REEP3: variants seen among roughly 807,000 people sequenced by gnomAD.
REEP3 encodes receptor accessory protein 3, also known as receptor expression-enhancing protein 3.
In REEP3, 20 loss-of-function variants were observed where a neutral mutation model predicts 41.3. The observed-to-expected ratio is 0.48, with a 90% CI of 0.34 to 0.70. The LOEUF is 0.70. Ranked by LOEUF, REEP3 falls within the 30% of genes least tolerant of loss-of-function variation. The probability of loss-of-function intolerance (pLI) is 0.01; values close to 1 mark genes in which losing one functional copy is unlikely to be tolerated. For synonymous variants in REEP3, 104 were observed against 101.8 expected (o/e 1.02, Z -0.13); for missense variants, 271 against 308.8 (o/e 0.88, Z 0.92).
intron 2 of REEP3, among the ~76,000 whole-genome samples, chr10:63,591,121 G>GTTTTTTT (rs1190081980): frequency 2.1e-5 from 2 of 95,374 alleles, no homozygotes; most frequent in African/African-American, 7.7e-5. Context: ...TTGTGTTTTT[G>GTTTTTTT]TTTTTGTTTT....
At chr10:63,575,740 T>C (rs557706262) in intron 2 of REEP3, among the ~76,000 whole-genome samples, 1 of 152,324 alleles carries the variant, frequency 6.6e-6, no homozygotes, top group South Asian at 2.1e-4. Context: ...TTCTATTTTA[T>C]TTTATTTTTT....
intron 2 of REEP3, among the ~76,000 whole-genome samples, chr10:63,575,960 C>A (rs1363677430): frequency 6.6e-6 from 1 of 152,060 alleles, no homozygotes; most frequent in South Asian, 2.1e-4. Flanking sequence ...CTTGAACTAC[C>A]GACCTCAGGT....
At chr10:63,596,963 G>A (rs913429499) in intron 3 of REEP3, among the ~76,000 whole-genome samples, 15 of 152,186 alleles carry the variant, frequency 9.9e-5, no homozygotes, top group African/African-American at 3.6e-4. Flanking sequence ...GGCTGAAGAA[G>A]CAGCTGTTCT....
At chr10:63,545,686 T>TTG (rs1955571788) in intron 1 of REEP3, among the ~76,000 whole-genome samples, 1 of 137,472 alleles carries the variant, frequency 7.3e-6, no homozygotes, top group African/African-American at 2.7e-5. Flanking sequence ...TTCTGTTTTT[T>TTG]TTTTTTTTTT....
At chr10:63,547,337 T>C (rs1226971337) in intron 1 of REEP3, among the ~76,000 whole-genome samples, 1 of 152,150 alleles carries the variant, frequency 6.6e-6, no homozygotes, top group Non-Finnish European at 1.5e-5. Context: ...TAAGCACTTC[T>C]CTTCATCAAA....
In REEP3 at chr10:63,606,516, G is replaced by A. The variant is rs1027302611; in HGVS notation, c.418-3671G>A. Among the ~76,000 whole-genome samples, 4 of 152,068 alleles carry A rather than the reference G, an allele frequency of 2.6e-5. No individual in the cohort carries two copies. The South Asian group carries it at 8.3e-4, about 32-fold the overall frequency. On this transcript the variant is annotated intron_variant, in intron 5 of 7. Coordinates refer to ENST00000373758, the MANE Select transcript of REEP3 (RefSeq NM_001001330.3). ...TCCTCCCACCTTGGCCTCCCAAAGT[G>A]TTGGAATTGCAGGCGTGAGCCACTG...
chr10:63,524,413 A>G (rs566798331), intron 1 of REEP3, among the ~76,000 whole-genome samples: 51 of 152,054 alleles, frequency 3.4e-4, no homozygotes, highest in Non-Finnish European at 6.5e-4. Flanking sequence ...CTTTAACACC[A>G]GAGAAATTAG....
intron 1 of REEP3, among the ~76,000 whole-genome samples, chr10:63,531,210 C>T (rs188925022): frequency 1.8e-3 from 272 of 152,298 alleles, no homozygotes; most frequent in Non-Finnish European, 3.3e-3. Flanking sequence ...AGCAGACCAG[C>T]TAACGTTAGA....
chr10:63,607,596 T>G (rs577817197), intron 5 of REEP3, among the ~76,000 whole-genome samples: 1 of 152,294 alleles, frequency 6.6e-6, no homozygotes, highest in East Asian at 1.9e-4. Context: ...TATGGAGAAG[T>G]CTTTAACAGT....
chr10:63,608,581 T>A (rs1000957296), intron 5 of REEP3, among the ~76,000 whole-genome samples: 2 of 152,212 alleles, frequency 1.3e-5, no homozygotes, highest in African/African-American at 4.8e-5. Context: ...TTCACATGTG[T>A]GAAACGAAGA....
intron 1 of REEP3, among the ~76,000 whole-genome samples, chr10:63,566,092 G>A (rs1955795788): frequency 6.6e-6 from 1 of 152,038 alleles, no homozygotes; most frequent in Admixed American, 6.6e-5. Context: ...CACTGTGTTA[G>A]CCTGGATGGT....
rs1034726627 is a variant in REEP3 at position 63,554,999 on chromosome 10, A to AT, written c.33-11331dup. Among the ~76,000 whole-genome samples, 24 of 152,022 alleles carry AT rather than the reference A, an allele frequency of 1.6e-4. No homozygotes were observed. In the East Asian group the frequency reaches 3.1e-3, roughly 20 times the overall value. ...TTTGAGTCTGAGTTGCTGTAGCTTG[A>AT]TTTTTTTTCCCCTCTAGTTTCATCT... On this transcript the variant is annotated intron_variant, in intron 1 of 7. Coordinates refer to ENST00000373758, the MANE Select transcript of REEP3 (RefSeq NM_001001330.3).
At chr10:63,593,239 T>C (rs1263618108) in intron 2 of REEP3, among the ~76,000 whole-genome samples, 4 of 152,234 alleles carry the variant, frequency 2.6e-5, no homozygotes, top group African/African-American at 9.6e-5. Context: ...TTAAAACTAA[T>C]AGGTCAATTT....
intron 1 of REEP3, chr10:63,562,675 C>T: frequency 2.2e-6 from 1 of 455,066 alleles, no homozygotes. Flanking sequence ...GATAAGGAAG[C>T]CACCAGGCAT....
chr10:63,619,370 T>C (rs554934178), intron 6 of REEP3, among the ~76,000 whole-genome samples: 1 of 152,154 alleles, frequency 6.6e-6, no homozygotes, highest in Non-Finnish European at 1.5e-5. Flanking sequence ...AACAAGATGG[T>C]GTGTTACCTA....
intron 1 of REEP3, among the ~76,000 whole-genome samples, chr10:63,536,104 T>A (rs141154907): frequency 1.3e-5 from 2 of 152,256 alleles, no homozygotes; most frequent in East Asian, 3.8e-4. Context: ...ACTGCTGTTA[T>A]GTTCATTTCA....
At chr10:63,609,790 TAAAA>T (rs1445115584) in intron 5 of REEP3, among the ~76,000 whole-genome samples, 1 of 151,812 alleles carries the variant, frequency 6.6e-6, no homozygotes, top group Admixed American at 6.6e-5. Flanking sequence ...TATAAATAAA[TAAAA>T]CAAAAAATTA....
chr10:63,612,315 G>A (rs894406917), intron 6 of REEP3, among the ~76,000 whole-genome samples: 2 of 152,132 alleles, frequency 1.3e-5, no homozygotes, highest in Admixed American at 6.5e-5. Flanking sequence ...GGGACTACAG[G>A]TGTGCACCAC....
At chr10:63,570,585 A>G (rs1955843584) in intron 2 of REEP3, among the ~76,000 whole-genome samples, 1 of 152,310 alleles carries the variant, frequency 6.6e-6, no homozygotes, top group Admixed American at 6.5e-5. Flanking sequence ...TTTCTTAACC[A>G]TCCATTTGAG....
Sources: allele counts gnomAD v4.1 joint callset (sites outside exome capture counted in the v4.1 genomes callset), GRCh38; gene constraint gnomAD v4.1.1; transcripts MANE v1.5; gene names NCBI Gene and HGNC (gene_info 2026-07-23, HGNC 2026-07-21).